The following MAP3K8 variants were observed in gnomAD, a reference collection of about 807,000 sequenced individuals.
The protein encoded by MAP3K8 is Ewing sarcoma transformant.
MAP3K8 carries 22 observed loss-of-function variants against 45.8 expected under a neutral mutation model. The ratio of observed to expected loss-of-function variants is 0.48; its 90% confidence interval spans 0.34 to 0.69. The LOEUF is 0.69. Among genes scored for constraint, MAP3K8 ranks in the 30% least tolerant of loss-of-function variants. The pLI is 0.01. For synonymous variants in MAP3K8, 223 were observed against 214.3 expected (o/e 1.04, Z -0.36); for missense variants, 419 against 585.0 (o/e 0.72, Z 2.93).
chr10:30,461,491 G>A lies in MAP3K8; in HGVS notation c.*655G>A, dbSNP rs1361666073. 1 of 195,704 alleles carries A rather than the reference G, an allele frequency of 5.1e-6. No individual in the cohort carries two copies. The highest frequency in any genetic ancestry group is 2.3e-5 in the African/African-American group (1 of 43,228). The allele number at this position is 195,704 out of a possible 1,614,324, so 12.1% of individuals were successfully genotyped here. A position where few individuals can be genotyped will look rare whatever the true frequency, so the allele number is the denominator to read the frequency against. On this transcript the variant is annotated 3_prime_UTR_variant, in exon 9 of 9. Transcript: ENST00000263056. ...ATGCTGAAGACATTCAAAACGTGAT[G>A]TTTTGAATGTGGATAAAACTGTGTA... is the stretch of plus-strand genomic sequence containing the variant.
At position 30,437,401 on chromosome 10, in the gene MAP3K8, C is replaced by A; in HGVS notation, c.-29C>A. 1 of 724,790 alleles carries A rather than the reference C, an allele frequency of 1.4e-6. No individual in the cohort carries two copies. The highest frequency in any genetic ancestry group is 1.7e-6 in the Non-Finnish European group (1 of 591,520). 44.9% of individuals were successfully genotyped at this position (724,790 alleles called of 1,614,324 possible). On this transcript the variant is annotated 5_prime_UTR_variant, in exon 2 of 9. Transcript: ENST00000263056. ...ACTCTGTTAATCCTCACGACCACCTCATGAGGTAGGTGCTGTTATTACTTC... is the reference window on the plus strand; with the variant it reads ...ACTCTGTTAATCCTCACGACCACCTAATGAGGTAGGTGCTGTTATTACTTC...
intron 6 of MAP3K8, among the ~76,000 whole-genome samples, chr10:30,453,472 C>G (rs991868153): frequency 6.6e-5 from 10 of 152,216 alleles, no homozygotes; most frequent in Admixed American, 4.6e-4. Context: ...CCCAGAAAAG[C>G]CTTTCTTTCC....
At position 30,458,095 on chromosome 10, in the gene MAP3K8, C is replaced by A; in HGVS notation, c.885C>A (p.Ser295Arg). 1 of 1,557,678 alleles carries A rather than the reference C, an allele frequency of 6.4e-7. No homozygotes were observed. The highest frequency in any genetic ancestry group is 8.7e-7 in the Non-Finnish European group (1 of 1,150,850). The change falls in exon 7 of 9, where the codon AGC (serine) becomes AGA (arginine). Residue 295 changes from serine (S) to arginine (R), a missense_variant. Ser to Arg is a moderately radical substitution (Grantham distance 110). Around this residue, in one of 3 missense-constraint regions of MAP3K8, gnomAD observed 209 missense variants for 367.3 expected, o/e 0.57. Transcript: ENST00000263056. ...KDLRGTEIYM[S>R]PEVILCRGHS... ...CACTTCTTTTTCAGATTTACATGAG[C>A]CCAGAGGTCATCCTGTGCAGGGGCC...
chr10:30,444,597 G>C (rs187002782), intron 3 of MAP3K8, among the ~76,000 whole-genome samples: 141 of 152,322 alleles, frequency 9.3e-4, no homozygotes, highest in Non-Finnish European at 1.1e-3. Context: ...ATCATGAAAA[G>C]AGCCTAGGAG....
chr10:30,444,700 AGAG>A (rs1466253393), intron 3 of MAP3K8, among the ~76,000 whole-genome samples: 6 of 152,358 alleles, frequency 3.9e-5, no homozygotes, highest in Non-Finnish European at 8.8e-5. Context: ...TTTGATCTAC[AGAG>A]GAGAAGGCTA....
At chr10:30,450,996 G>T (rs1311854667) in intron 5 of MAP3K8, among the ~76,000 whole-genome samples, 1 of 151,116 alleles carries the variant, frequency 6.6e-6, no homozygotes, top group Non-Finnish European at 1.5e-5. Flanking sequence ...GGAGGCTGAG[G>T]CAGGGGAATC....
intron 5 of MAP3K8, 59 bp downstream of exon 5, chr10:30,450,578 A>G: frequency 2.0e-6 from 3 of 1,514,234 alleles, no homozygotes; most frequent in East Asian, 2.3e-5. Flanking sequence ...TCAGGAGACA[A>G]ACAAGCTCCT....
intron 7 of MAP3K8, 27 bp from the exon 8 acceptor site, chr10:30,459,228 A>T: frequency 6.2e-7 from 1 of 1,613,650 alleles, no homozygotes; most frequent in Admixed American, 1.7e-5. Context: ...CATACCTTTG[A>T]TGCTAAGAGA....
chr10:30,447,862 T>C lies in MAP3K8; in HGVS notation c.417T>C (p.Ile139=), dbSNP rs1315847917. ...CCTGGAAGCTGACTTACAGGAATATTGGTTCTGATTTTATTCCTCGGGGCG... is the reference window on the plus strand; with the variant it reads ...CCTGGAAGCTGACTTACAGGAATATCGGTTCTGATTTTATTCCTCGGGGCG... The part of the protein sequence containing the change: ...LIPWKLTYRN[I]GSDFIPRGAF... Residue 139 remains isoleucine, a synonymous_variant, in exon 4 of 9, where the codon ATT becomes ATC. Coordinates refer to ENST00000263056, the MANE Select transcript of MAP3K8 (RefSeq NM_005204.4). 8.1e-6 allele frequency: 13 copies of C among 1,613,424 alleles called. No individual in the cohort carries two copies. The highest frequency in any genetic ancestry group is 1.7e-5 in the Admixed American group (1 of 59,946).
At chr10:30,434,731 C>G in intron 1 of MAP3K8, 4 of 985,594 alleles carry the variant, frequency 4.1e-6, no homozygotes, top group Non-Finnish European at 4.8e-6. Context: ...CGGCCGCACT[C>G]TCCCTGCCCG....
At position 30,437,191 on chromosome 10, in the gene MAP3K8, C is replaced by T. The variant is rs375770295; in HGVS notation, c.-239C>T. 8 of 985,092 alleles carry T rather than the reference C, an allele frequency of 8.1e-6. No individual in the cohort carries two copies. Among genetic ancestry groups the T allele is most frequent in the Middle Eastern group, 5.2e-4 (1 of 1,914 alleles). The allele number at this position is 985,092 out of a possible 1,614,324, so 61.0% of individuals were successfully genotyped here. A position where few individuals can be genotyped will look rare whatever the true frequency, so the allele number is the denominator to read the frequency against. On this transcript the variant is annotated 5_prime_UTR_variant, in exon 2 of 9. Transcript: ENST00000263056. ...CTTGTTTTAGATGCAATCTTCTTACCGCGAAGAAGCCAGGGGAATAGGTAG... is the reference window on the plus strand; with the variant it reads ...CTTGTTTTAGATGCAATCTTCTTACTGCGAAGAAGCCAGGGGAATAGGTAG...
chr10:30,452,276 C>T (rs1252886816), intron 6 of MAP3K8, among the ~76,000 whole-genome samples: 1 of 151,882 alleles, frequency 6.6e-6, no homozygotes, highest in Non-Finnish European at 1.5e-5. Context: ...TTGAGACAAG[C>T]CTGACCAACA....
Position 30,439,083 on chromosome 10 carries a change from A to G in MAP3K8, c.145A>G (p.Met49Val), listed in dbSNP as rs1196507195. The G allele has an allele frequency of 6.2e-7, 1 of 1,614,138 alleles. No individual in the cohort carries two copies. Among genetic ancestry groups the G allele is most frequent in the Non-Finnish European group, 8.5e-7 (1 of 1,180,054 alleles). Residue 49 changes from methionine to valine, a missense_variant, in exon 3 of 9, where the codon ATG becomes GTG. Physicochemically the swap from Met to Val is conservative, Grantham distance 21. This residue lies in a region of MAP3K8 where 102 missense variants were observed against 93.5 expected (regional missense o/e 1.09). Coordinates refer to ENST00000263056, the MANE Select transcript of MAP3K8 (RefSeq NM_005204.4). ...PAVYEPSLMT[M>V]CQDSNQNDER... The stretch of plus-strand genomic sequence containing the variant: ...AGTTTATGAACCCAGTCTAATGACC[A>G]TGTGTCAAGACAGTAATCAAAACGA...
chr10:30,436,169 G>A (rs1228109959), intron 1 of MAP3K8, among the ~76,000 whole-genome samples: 1 of 152,136 alleles, frequency 6.6e-6, no homozygotes, highest in Non-Finnish European at 1.5e-5. Context: ...CTGTGTCAAG[G>A]GAAAAATCAT....
intron 6 of MAP3K8, among the ~76,000 whole-genome samples, chr10:30,455,565 A>G (rs893988059): frequency 1.3e-5 from 2 of 152,248 alleles, no homozygotes; most frequent in Non-Finnish European, 2.9e-5. Flanking sequence ...GAGAGAATAC[A>G]TAGTGAATGC....
chr10:30,436,234 C>G (rs8177050), intron 1 of MAP3K8, among the ~76,000 whole-genome samples: 11 of 152,194 alleles, frequency 7.2e-5, no homozygotes, highest in African/African-American at 1.7e-4. Context: ...TCTGAACTTT[C>G]TCTAGATGGG....
intron 3 of MAP3K8, among the ~76,000 whole-genome samples, chr10:30,443,838 C>T (rs563253245): frequency 1.3e-4 from 20 of 152,254 alleles, no homozygotes; most frequent in African/African-American, 4.8e-4. Flanking sequence ...CCTGCCCTTA[C>T]AGGTGATTTT....
intron 6 of MAP3K8, among the ~76,000 whole-genome samples, chr10:30,455,705 T>C (rs928254298): frequency 8.2e-4 from 125 of 152,306 alleles, no homozygotes; most frequent in African/African-American, 2.9e-3. Flanking sequence ...ACGGTCTCTT[T>C]CCCTTTCTAA....
chr10:30,447,669 T>C (rs1462556425), intron 3 of MAP3K8, 113 bp from the exon 4 acceptor site: 12 of 802,612 alleles, frequency 1.5e-5, no homozygotes, highest in Non-Finnish European at 2.4e-5. Flanking sequence ...GACATTAATT[T>C]CATAACTGTG....
Sources: allele counts gnomAD v4.1 joint callset (sites outside exome capture counted in the v4.1 genomes callset), GRCh38; gene constraint gnomAD v4.1.1; regional missense constraint gnomAD v4.1.1; transcripts MANE v1.5; gene names NCBI Gene and HGNC (gene_info 2026-07-23, HGNC 2026-07-21).